Variants in MED27 observed in about 807,000 individuals in gnomAD.
MED27 encodes the protein mediator complex subunit 27.
In MED27, 30 loss-of-function variants were observed where a neutral mutation model predicts 38.2. That is an observed-to-expected ratio of 0.79 (90% CI 0.59 to 1.07). The LOEUF is 1.07. MED27 is among the 50% of genes least tolerant of loss of function. The probability of loss-of-function intolerance (pLI) is 0.00; values close to 1 mark genes in which losing one functional copy is unlikely to be tolerated. For missense variants in MED27, 289 were observed against 397.5 expected, an observed-to-expected ratio of 0.73 and a Z score of 2.32; for synonymous variants, 122 against 153.5, an observed-to-expected ratio of 0.79 and a Z score of 1.52.
At chr9:131,972,484 A>G (rs1205682363) in intron 3 of MED27, among the ~76,000 whole-genome samples, 1 of 152,216 alleles carries the variant, frequency 6.6e-6, no homozygotes, top group Non-Finnish European at 1.5e-5. Flanking sequence ...CAAAAGCCAC[A>G]CTAAAGTCTC....
intron 6 of MED27, among the ~76,000 whole-genome samples, chr9:131,871,824 C>T (rs571904596): frequency 6.6e-6 from 1 of 152,280 alleles, no homozygotes; most frequent in African/African-American, 2.4e-5. Flanking sequence ...GGTTATGGGC[C>T]AACCTTGCAC....
At chr9:131,898,461 C>T (rs1321803589) in intron 4 of MED27, among the ~76,000 whole-genome samples, 2 of 152,232 alleles carry the variant, frequency 1.3e-5, no homozygotes, top group Admixed American at 6.5e-5. Flanking sequence ...GTGATCCACC[C>T]GCCCTCGGCC....
chr9:131,907,024 T>C (rs1830076690), intron 4 of MED27, among the ~76,000 whole-genome samples: 1 of 152,218 alleles, frequency 6.6e-6, no homozygotes, highest in African/African-American at 2.4e-5. Context: ...TAATGCATTA[T>C]AATTAGCATA....
At chr9:131,925,439 T>C (rs1830466328) in intron 4 of MED27, among the ~76,000 whole-genome samples, 1 of 152,194 alleles carries the variant, frequency 6.6e-6, no homozygotes. Context: ...GGACTGTTTA[T>C]AATAGAAAAA....
intron 2 of MED27, among the ~76,000 whole-genome samples, chr9:132,056,636 T>C (rs969413415): frequency 3.3e-5 from 5 of 152,212 alleles, no homozygotes; most frequent in African/African-American, 1.2e-4. Context: ...GAAAAAGGGA[T>C]GTTCAACCTG....
At position 131,889,740 on chromosome 9, in the gene MED27, G is replaced by C. The variant is rs1223472453; in HGVS notation, c.681+4145C>G. On this transcript the variant is annotated intron_variant, in intron 5 of 7. Coordinates refer to ENST00000292035, the MANE Select transcript of MED27 (RefSeq NM_004269.4). This position sits in a 1 kb window ranked among gnomAD's most constrained non-coding sequence, Gnocchi z 4.2. ...GGGGTGGTGCTGGGCCACTACAGCAGCAAGAAGGATAATGAAACTTTCGAA... is the reference window on the plus strand; with the variant it reads ...GGGGTGGTGCTGGGCCACTACAGCACCAAGAAGGATAATGAAACTTTCGAA... Among the ~76,000 whole-genome samples, 3 of 152,222 alleles carry C rather than the reference G, an allele frequency of 2.0e-5. No individual in the cohort carries two copies. The highest frequency in any genetic ancestry group is 1.5e-5 in the Non-Finnish European group (1 of 68,040).
chr9:131,989,515 A>C (rs1831926372), intron 3 of MED27, among the ~76,000 whole-genome samples: 1 of 152,228 alleles, frequency 6.6e-6, no homozygotes, highest in African/African-American at 2.4e-5. Context: ...AATATTTACC[A>C]TCCTAACCAT....
chr9:131,871,640 C>A (rs746778738), intron 6 of MED27, among the ~76,000 whole-genome samples: 3 of 152,164 alleles, frequency 2.0e-5, no homozygotes, highest in South Asian at 2.1e-4. Flanking sequence ...GCCTCGAACT[C>A]CTGGGCGCAA....
At chr9:131,886,371 G>A (rs944529454) in intron 5 of MED27, among the ~76,000 whole-genome samples, 3 of 152,140 alleles carry the variant, frequency 2.0e-5, no homozygotes, top group African/African-American at 4.8e-5. Flanking sequence ...TCATGGAGGA[G>A]CTTTCACTGA....
At chr9:131,893,841 G>T in intron 5 of MED27, 44 bp downstream of exon 5, 1 of 1,389,830 alleles carries the variant, frequency 7.2e-7, no homozygotes, top group Non-Finnish European at 1.0e-6. Flanking sequence ...ACTTGTTCTG[G>T]GATACAGAAA....
chr9:132,058,781 C>A (rs568381401), intron 2 of MED27, among the ~76,000 whole-genome samples: 215 of 152,328 alleles, frequency 1.4e-3, no homozygotes, highest in African/African-American at 5.1e-3. Flanking sequence ...GTATCAAAAG[C>A]TAAGGGTTTT....
Position 131,883,931 on chromosome 9 carries a change from G to A in MED27, c.723+127C>T, listed in dbSNP as rs1839091870. ...TGTCATACATATGGAATCAGACAGT[G>A]AGCATCCTTTTCTGTCTGGCTTTTT... is the stretch of plus-strand genomic sequence containing the variant. On this transcript the variant is annotated intron_variant, in intron 6 of 7. Coordinates refer to ENST00000292035, the MANE Select transcript of MED27 (RefSeq NM_004269.4). This position sits in a 1 kb window ranked among gnomAD's most constrained non-coding sequence, Gnocchi z 4.2. 3 of 755,890 alleles carry A rather than the reference G, an allele frequency of 4.0e-6. No individual in the cohort carries two copies. The highest frequency in any genetic ancestry group is 5.5e-5 in the East Asian group (2 of 36,042). The allele number at this position is 755,890 out of a possible 1,614,324, so 46.8% of individuals were successfully genotyped here.
At chr9:132,071,254 CTG>C (rs1833927104) in intron 2 of MED27, among the ~76,000 whole-genome samples, 1 of 151,860 alleles carries the variant, frequency 6.6e-6, no homozygotes, top group Non-Finnish European at 1.5e-5. Flanking sequence ...TGGTCAGGCT[CTG>C]GAGCCTACGC....
At chr9:132,005,345 G>A (rs895669566) in intron 3 of MED27, among the ~76,000 whole-genome samples, 8 of 152,212 alleles carry the variant, frequency 5.3e-5, no homozygotes, top group African/African-American at 4.8e-5. Flanking sequence ...TGCTTGGGCC[G>A]TTAAATGTTT....
At chr9:132,078,616 C>T (rs1834108200) in intron 1 of MED27, among the ~76,000 whole-genome samples, 1 of 152,104 alleles carries the variant, frequency 6.6e-6, no homozygotes, top group Middle Eastern at 3.2e-3. Context: ...TGGCCACCTC[C>T]TCCTCCTCCT....
chr9:131,934,550 C>T (rs139370451), intron 4 of MED27, among the ~76,000 whole-genome samples: 78 of 152,210 alleles, frequency 5.1e-4, no homozygotes, highest in African/African-American at 1.7e-3. Flanking sequence ...TATCCAAAGA[C>T]GGGCAATAAC....
intron 6 of MED27, among the ~76,000 whole-genome samples, chr9:131,882,439 G>C (rs1015820813): frequency 2.0e-5 from 3 of 152,164 alleles, no homozygotes; most frequent in Admixed American, 6.5e-5. Flanking sequence ...ACTTTAAAAC[G>C]GTTAATTTCA....
At chr9:132,067,503 C>G (rs1564347526) in intron 2 of MED27, among the ~76,000 whole-genome samples, 1 of 152,122 alleles carries the variant, frequency 6.6e-6, no homozygotes, top group African/African-American at 2.4e-5. Context: ...GAGATGATGG[C>G]CCCTTGGGGA....
intron 4 of MED27, among the ~76,000 whole-genome samples, chr9:131,919,458 T>C (rs1157532816): frequency 6.7e-6 from 1 of 148,998 alleles, no homozygotes; most frequent in Non-Finnish European, 1.5e-5. Context: ...TGGCTTCAAG[T>C]GATTTTTTTT....
Sources: allele counts gnomAD v4.1 joint callset (sites outside exome capture counted in the v4.1 genomes callset), GRCh38; gene constraint gnomAD v4.1.1; non-coding constraint Gnocchi (gnomAD v3.1); transcripts MANE v1.5; gene names NCBI Gene and HGNC (gene_info 2026-07-23, HGNC 2026-07-21).